The following WWOX variants were observed in gnomAD, a reference collection of about 807,000 sequenced individuals.
The protein encoded by WWOX is WW domain containing oxidoreductase.
Under a neutral mutation model 46.2 loss-of-function variants are expected in WWOX, and 69 were observed. That is an observed-to-expected ratio of 1.49 (90% CI 1.23 to 1.82). The LOEUF (loss-of-function observed/expected upper bound fraction) is 1.82, where lower values mean the gene tolerates loss of function less well. WWOX is among the 40% of genes most tolerant of loss of function. The pLI is 0.00. For synonymous variants in WWOX, 359 were observed against 202.6 expected (o/e 1.77, Z -6.56); for missense variants, 919 against 542.6 (o/e 1.69, Z -6.89).
intron 8 of WWOX, among the ~76,000 whole-genome samples, chr16:78,637,723 G>C (rs956955834): frequency 2.0e-5 from 3 of 152,200 alleles, no homozygotes; most frequent in East Asian, 1.9e-4. Context: ...CCTTCCATTT[G>C]AAAGGAGCTT....
At chr16:78,318,712 T>C (rs943452844) in intron 5 of WWOX, among the ~76,000 whole-genome samples, 5 of 152,188 alleles carry the variant, frequency 3.3e-5, no homozygotes, top group African/African-American at 1.2e-4. Context: ...ATAATTTCTG[T>C]AAGTACTGGC....
intron 8 of WWOX, among the ~76,000 whole-genome samples, chr16:78,673,542 G>C (rs749054479): frequency 6.6e-6 from 1 of 152,164 alleles, no homozygotes; most frequent in Admixed American, 6.5e-5. Context: ...ATTGGAAAGA[G>C]AAGCTTCTGG....
chr16:78,276,994 A>G (rs1387144235), intron 5 of WWOX, among the ~76,000 whole-genome samples: 2 of 152,212 alleles, frequency 1.3e-5, no homozygotes, highest in East Asian at 3.8e-4. Flanking sequence ...GGGATAAGGA[A>G]CTTATTATTA....
intron 8 of WWOX, among the ~76,000 whole-genome samples, chr16:78,436,080 A>G (rs547855295): frequency 5.3e-5 from 8 of 152,314 alleles, no homozygotes; most frequent in African/African-American, 1.7e-4. Flanking sequence ...AGCGTGGTCA[A>G]ATGACATGCC....
In WWOX at chr16:78,349,171, C is replaced by T. The variant is rs2081144864; in HGVS notation, c.517-37689C>T. 1.7e-5 allele frequency among the ~76,000 whole-genome samples: 2 copies of T among 120,912 alleles called. 1 individual carries two copies. The highest frequency in any genetic ancestry group is 5.6e-5 in the African/African-American group (2 of 35,648). The allele number at this position is 120,912 out of a possible 152,430, so 79.3% of individuals were successfully genotyped here. On this transcript the variant is annotated intron_variant, in intron 5 of 8. Coordinates refer to ENST00000566780, the MANE Select transcript of WWOX (RefSeq NM_016373.4). ...GCCTTCCCACCGTGTTCTCACGTGA[C>T]CTAGCCGCTGTGTGCACGCATCCCT...
intron 5 of WWOX, among the ~76,000 whole-genome samples, chr16:78,225,205 A>G (rs2037012394): frequency 6.6e-6 from 1 of 152,170 alleles, no homozygotes; most frequent in African/African-American, 2.4e-5. Context: ...TGTATAGTAT[A>G]TTACTGTAAT....
intron 8 of WWOX, among the ~76,000 whole-genome samples, chr16:79,139,746 A>G (rs187475643): frequency 6.6e-6 from 1 of 152,312 alleles, no homozygotes; most frequent in African/African-American, 2.4e-5. Context: ...TATATGCATC[A>G]TGGGCAGAGG....
intron 8 of WWOX, among the ~76,000 whole-genome samples, chr16:78,656,199 A>T (rs1281024421): frequency 1.3e-5 from 2 of 151,914 alleles, no homozygotes; most frequent in Non-Finnish European, 2.9e-5. Flanking sequence ...GGTGTGTGTG[A>T]AAGGTAGGAT....
intron 8 of WWOX, among the ~76,000 whole-genome samples, chr16:78,930,076 G>A (rs538404136): frequency 1.3e-5 from 2 of 152,148 alleles, no homozygotes; most frequent in East Asian, 1.9e-4. Flanking sequence ...ATAGCTTCTT[G>A]CCTTCTTCAC....
chr16:79,169,131 A>C (rs2050651457), intron 8 of WWOX, among the ~76,000 whole-genome samples: 1 of 152,214 alleles, frequency 6.6e-6, no homozygotes, highest in South Asian at 2.1e-4. Context: ...AAAAGTCAAC[A>C]AATTTGGCCC....
intron 5 of WWOX, among the ~76,000 whole-genome samples, chr16:78,276,199 C>T (rs2079574837): frequency 6.6e-6 from 1 of 152,188 alleles, no homozygotes; most frequent in Admixed American, 6.5e-5. Flanking sequence ...TGGCTAACCT[C>T]CTTCCTTTGG....
At chr16:78,361,683 C>T (rs1196424585) in intron 5 of WWOX, among the ~76,000 whole-genome samples, 1 of 152,168 alleles carries the variant, frequency 6.6e-6, no homozygotes, top group East Asian at 1.9e-4. Flanking sequence ...GCGATATCGG[C>T]TCCCTGCAAC....
chr16:78,319,335 A>C (rs2080418162), intron 5 of WWOX, among the ~76,000 whole-genome samples: 1 of 152,160 alleles, frequency 6.6e-6, no homozygotes, highest in African/African-American at 2.4e-5. Context: ...CCCAAGCTGG[A>C]GTGCAGTGGC....
intron 8 of WWOX, among the ~76,000 whole-genome samples, chr16:78,811,276 A>G (rs534465027): frequency 2.6e-4 from 40 of 152,254 alleles, no homozygotes; most frequent in African/African-American, 8.7e-4. Context: ...GTAATTGATG[A>G]TCCTTCATTC....
intron 8 of WWOX, among the ~76,000 whole-genome samples, chr16:78,920,836 G>A (rs2045361668): frequency 6.6e-6 from 1 of 152,184 alleles, no homozygotes; most frequent in African/African-American, 2.4e-5. Flanking sequence ...GCTGTTGTGA[G>A]GAAGGCCAGG....
intron 8 of WWOX, among the ~76,000 whole-genome samples, chr16:78,490,947 A>T (rs1047005351): frequency 1.3e-5 from 2 of 152,062 alleles, no homozygotes; most frequent in Admixed American, 6.6e-5. Context: ...ATCACGGGCA[A>T]CTCGGCTTGG....
chr16:79,151,508 C>T (rs1409349013), intron 8 of WWOX, among the ~76,000 whole-genome samples: 1 of 152,244 alleles, frequency 6.6e-6, no homozygotes, highest in Non-Finnish European at 1.5e-5. Flanking sequence ...GCTCCTTCTA[C>T]ATGATCAGTG....
At chr16:78,324,435 G>C (rs1056188679) in intron 5 of WWOX, among the ~76,000 whole-genome samples, 3 of 151,930 alleles carry the variant, frequency 2.0e-5, no homozygotes, top group Admixed American at 6.6e-5. Flanking sequence ...TCCACTCCTA[G>C]GTACGTATCA....
chr16:79,203,361 A>C (rs2051403778), intron 8 of WWOX: 1 of 152,208 alleles, frequency 6.6e-6, no homozygotes, highest in African/African-American at 2.4e-5. Flanking sequence ...CCCGATTTGA[A>C]ATAGCGGGGC....
Sources: gnomAD v4.1 joint callset for allele counts (sites outside exome capture counted in the v4.1 genomes callset) on GRCh38, gnomAD v4.1.1 for gene constraint, MANE v1.5 for transcripts, NCBI Gene and HGNC (gene_info 2026-07-23, HGNC 2026-07-21) for gene names.